The following FHOD3 variants were observed in gnomAD, a reference collection of about 807,000 sequenced individuals.
The protein encoded by FHOD3 is FH1/FH2 domain-containing protein 3.
Under a neutral mutation model 173.0 loss-of-function variants are expected in FHOD3, and 90 were observed. The observed-to-expected ratio is 0.52, with a 90% CI of 0.44 to 0.62. FHOD3 has a LOEUF of 0.62. FHOD3 is among the 20% of genes least tolerant of loss of function. The probability of loss-of-function intolerance (pLI) is 0.00; values close to 1 mark genes in which losing one functional copy is unlikely to be tolerated. For missense variants in FHOD3, 1,945 were observed against 2,034.7 expected (o/e 0.96, Z 0.85); for synonymous variants, 828 against 823.0 (o/e 1.01, Z -0.10).
intron 3 of FHOD3, among the ~76,000 whole-genome samples, chr18:36,473,233 G>T (rs1032895442): frequency 6.6e-6 from 1 of 152,196 alleles, no homozygotes; most frequent in Non-Finnish European, 1.5e-5. Flanking sequence ...GGCCAACATG[G>T]TGAAACCCTG....
intron 3 of FHOD3, among the ~76,000 whole-genome samples, chr18:36,379,271 G>A (rs1568194153): frequency 6.6e-6 from 1 of 152,182 alleles, no homozygotes; most frequent in Non-Finnish European, 1.5e-5. Flanking sequence ...ACCAAGAGAG[G>A]GAAAATGGAC....
intron 14 of FHOD3, among the ~76,000 whole-genome samples, chr18:36,673,859 G>T (rs964730269): frequency 2.6e-5 from 4 of 151,940 alleles, no homozygotes; most frequent in African/African-American, 9.7e-5. Flanking sequence ...TTAAATATTA[G>T]TTTAACACAT....
intron 1 of FHOD3, among the ~76,000 whole-genome samples, chr18:36,328,761 G>A (rs759252089): frequency 6.6e-6 from 1 of 152,188 alleles, no homozygotes. Flanking sequence ...GGGAAGAGAG[G>A]GGTCAAGGCT....
intron 6 of FHOD3, among the ~76,000 whole-genome samples, chr18:36,592,963 A>G (rs929005069): frequency 1.3e-5 from 2 of 152,172 alleles, no homozygotes; most frequent in African/African-American, 4.8e-5. Context: ...AAACCAGGGC[A>G]CTGGATGAAC....
intron 5 of FHOD3, among the ~76,000 whole-genome samples, chr18:36,540,846 T>G (rs1026744484): frequency 6.6e-6 from 1 of 152,316 alleles, no homozygotes; most frequent in Middle Eastern, 3.4e-3. Context: ...ACATTAGTCT[T>G]GACTTCCCCT....
intron 10 of FHOD3, among the ~76,000 whole-genome samples, chr18:36,628,279 T>C (rs2148827983): frequency 1.3e-5 from 2 of 152,310 alleles, no homozygotes; most frequent in East Asian, 3.9e-4. Flanking sequence ...CTAAGGGCTA[T>C]GACCAAGGGC....
chr18:36,468,194 G>A (rs374846453), intron 3 of FHOD3, among the ~76,000 whole-genome samples: 18 of 152,330 alleles, frequency 1.2e-4, no homozygotes, highest in African/African-American at 4.1e-4. Context: ...GACCCAGGCT[G>A]CTGGCTGGTC....
At chr18:36,463,972 A>T (rs2052750807) in intron 3 of FHOD3, among the ~76,000 whole-genome samples, 1 of 152,226 alleles carries the variant, frequency 6.6e-6, no homozygotes. Flanking sequence ...TTGATTCAGA[A>T]AATAGCTTCT....
chr18:36,337,589 A>C (rs2045386667), intron 1 of FHOD3, among the ~76,000 whole-genome samples: 1 of 152,154 alleles, frequency 6.6e-6, no homozygotes, highest in African/African-American at 2.4e-5. Flanking sequence ...GACAAGTCCT[A>C]AAGACTTGTG....
At position 36,576,447 on chromosome 18, in the gene FHOD3, G is replaced by A. The variant is rs764279420; in HGVS notation, c.512-4G>A. On this transcript the variant is annotated splice_region_variant and splice_polypyrimidine_tract_variant and intron_variant, in intron 5 of 28. Coordinates refer to ENST00000590592, the MANE Select transcript of FHOD3 (RefSeq NM_001281740.3). ...ATGTCTCCTTTTTCTCTTGTTTTCTGTAGCTTTGGGCCAGATTATGTTGTA... is the reference window on the plus strand; with the variant it reads ...ATGTCTCCTTTTTCTCTTGTTTTCTATAGCTTTGGGCCAGATTATGTTGTA... 5.6e-6 allele frequency: 9 copies of A among 1,608,120 alleles called. No homozygotes were observed. The East Asian group carries it at 6.7e-5, about 12-fold the overall frequency.
chr18:36,652,733 A>G lies in FHOD3; in HGVS notation c.1450A>G (p.Thr484Ala). The change falls in exon 12 of 29, where the codon ACC (threonine) becomes GCC (alanine). Residue 484 changes from threonine to alanine, a missense_variant. This residue lies in a region of FHOD3 where 1,099 missense variants were observed against 1,051.2 expected (regional missense o/e 1.05). Transcript: ENST00000590592. ...WHSGSSGSEA[T>A]PSALLSPPAS... ...CAGTGGGTCCTCTGGGTCTGAGGCC[A>G]CCCCATCTGCCCTCCTGTCACCCCC... 6.5e-7 allele frequency: 1 copy of G among 1,535,332 alleles called. No individual in the cohort carries two copies. The highest frequency in any genetic ancestry group is 1.4e-5 in the African/African-American group (1 of 72,922).
At chr18:36,525,825 T>C (rs142437025) in intron 5 of FHOD3, among the ~76,000 whole-genome samples, 13 of 152,300 alleles carry the variant, frequency 8.5e-5, no homozygotes, top group African/African-American at 3.1e-4. Flanking sequence ...CTGTTGACAA[T>C]GTCCAGGACC....
At chr18:36,720,922 A>G (rs1159233378) in intron 19 of FHOD3, among the ~76,000 whole-genome samples, 1 of 152,112 alleles carries the variant, frequency 6.6e-6, no homozygotes, top group Admixed American at 6.5e-5. Context: ...AAATGGAGTA[A>G]AAGTATGGAG....
At chr18:36,384,094 T>C (rs1222156433) in intron 3 of FHOD3, among the ~76,000 whole-genome samples, 2 of 152,164 alleles carry the variant, frequency 1.3e-5, no homozygotes, top group African/African-American at 4.8e-5. Context: ...GGGATGATAA[T>C]ATCGCCTTTA....
At chr18:36,749,814 T>G (rs1240670205) in intron 24 of FHOD3, among the ~76,000 whole-genome samples, 1 of 152,226 alleles carries the variant, frequency 6.6e-6, no homozygotes, top group East Asian at 1.9e-4. Flanking sequence ...GTATAAGTGT[T>G]CCTTTTTTTC....
At chr18:36,564,492 A>G (rs1029277365) in intron 5 of FHOD3, among the ~76,000 whole-genome samples, 30 of 152,290 alleles carry the variant, frequency 2.0e-4, no homozygotes, top group African/African-American at 7.2e-4. Context: ...CTGTTTCTGT[A>G]CAGGTGGCTG....
At chr18:36,585,651 C>T (rs1254002578) in intron 6 of FHOD3, among the ~76,000 whole-genome samples, 2 of 152,164 alleles carry the variant, frequency 1.3e-5, no homozygotes, top group African/African-American at 4.8e-5. Context: ...GATTGTGGTT[C>T]CTCAATTCTT....
At chr18:36,338,994 G>T (rs2045472434) in intron 1 of FHOD3, among the ~76,000 whole-genome samples, 1 of 152,084 alleles carries the variant, frequency 6.6e-6, no homozygotes. Flanking sequence ...TTGGTTTTCA[G>T]CCCAGCCTGA....
intron 1 of FHOD3, among the ~76,000 whole-genome samples, chr18:36,309,183 G>A (rs2092185009): frequency 6.6e-6 from 1 of 152,070 alleles, no homozygotes; most frequent in South Asian, 2.1e-4. Context: ...TCACGATGGG[G>A]AAGTACCAGC....
Sources: gnomAD v4.1 joint callset for allele counts (sites outside exome capture counted in the v4.1 genomes callset) on GRCh38, gnomAD v4.1.1 for gene constraint, gnomAD v4.1.1 regional missense constraint, MANE v1.5 for transcripts, NCBI Gene and HGNC (gene_info 2026-07-23, HGNC 2026-07-21) for gene names.